Variants in PPM1L observed in about 807,000 individuals in gnomAD.
The protein encoded by PPM1L is protein phosphatase, Mg2+/Mn2+ dependent 1L, also known as protein phosphatase 1L.
A neutral mutation model predicts 31.4 loss-of-function variants in PPM1L; 13 were observed. The observed-to-expected ratio is 0.41, with a 90% CI of 0.27 to 0.66. PPM1L has a LOEUF of 0.66. PPM1L is among the 30% of genes least tolerant of loss of function. The pLI is 0.29. For missense variants in PPM1L, 326 were observed against 453.7 expected, an observed-to-expected ratio of 0.72 and a Z score of 2.56; for synonymous variants, 184 against 175.4, an observed-to-expected ratio of 1.05 and a Z score of -0.39.
chr3:160,852,127 A>G (rs1475081254), intron 1 of PPM1L, among the ~76,000 whole-genome samples: 1 of 152,162 alleles, frequency 6.6e-6, no homozygotes, highest in Admixed American at 6.5e-5. Context: ...GTGTTTCATA[A>G]AGGAAGATGC....
At chr3:160,986,279 T>C (rs576244513) in intron 2 of PPM1L, among the ~76,000 whole-genome samples, 9 of 152,154 alleles carry the variant, frequency 5.9e-5, no homozygotes, top group African/African-American at 1.9e-4. Context: ...TGCTGGAGAA[T>C]GAAGGAAGGG....
chr3:160,915,632 G>C (rs567742075), intron 1 of PPM1L, among the ~76,000 whole-genome samples: 1 of 152,050 alleles, frequency 6.6e-6, no homozygotes, highest in African/African-American at 2.4e-5. Context: ...ACAAAGCTGG[G>C]GGCATCATGC....
intron 1 of PPM1L, among the ~76,000 whole-genome samples, chr3:160,793,575 G>T (rs1196285937): frequency 6.6e-6 from 1 of 152,124 alleles, no homozygotes; most frequent in African/African-American, 2.4e-5. Flanking sequence ...TCTTTGTAGA[G>T]GATTTAAAAT....
Position 161,016,196 on chromosome 3 carries a change from T to G in PPM1L, c.575-49207T>G, listed in dbSNP as rs766922307. 3.8e-4 allele frequency among the ~76,000 whole-genome samples: 58 copies of G among 152,196 alleles called. 1 individual carries two copies. Among genetic ancestry groups the G allele is most frequent in the Admixed American group, 2.5e-3 (38 of 15,274 alleles). On this transcript the variant is annotated intron_variant, in intron 2 of 3. Coordinates refer to ENST00000498165, the MANE Select transcript of PPM1L (RefSeq NM_139245.4). ...CTGCCGTTCTTTTGAGTGGAGGCAT[T>G]CTATCTAGGCAACTGGTAAAAAAAA...
intron 2 of PPM1L, among the ~76,000 whole-genome samples, chr3:161,055,836 C>T (rs539662528): frequency 6.6e-6 from 1 of 152,074 alleles, no homozygotes; most frequent in South Asian, 2.1e-4. Context: ...ATAGAAAAGA[C>T]TTTATGTCAC....
intron 1 of PPM1L, among the ~76,000 whole-genome samples, chr3:160,837,304 A>G (rs1443454070): frequency 1.3e-5 from 2 of 152,178 alleles, no homozygotes; most frequent in African/African-American, 2.4e-5. Context: ...TGGTAAGAGA[A>G]GGGAGTAATA....
At chr3:161,044,492 C>T (rs1718999831) in intron 2 of PPM1L, among the ~76,000 whole-genome samples, 1 of 151,820 alleles carries the variant, frequency 6.6e-6, no homozygotes, top group South Asian at 2.1e-4. Flanking sequence ...TAATCCCAAG[C>T]ACTTTGGGAG....
At chr3:160,910,252 C>A (rs1441491919) in intron 1 of PPM1L, among the ~76,000 whole-genome samples, 3 of 54,436 alleles carry the variant, frequency 5.5e-5, no homozygotes, top group Non-Finnish European at 8.4e-5. Context: ...TTCCTTTCCC[C>A]TTCCCCTTTC....
intron 1 of PPM1L, among the ~76,000 whole-genome samples, chr3:160,769,982 T>C (rs1445586568): frequency 1.3e-5 from 2 of 152,128 alleles, no homozygotes; most frequent in Non-Finnish European, 2.9e-5. Flanking sequence ...ATTCTGTGTA[T>C]GAGGATGAAG....
chr3:160,972,065 G>T (rs139035482), intron 2 of PPM1L, among the ~76,000 whole-genome samples: 1 of 152,290 alleles, frequency 6.6e-6, no homozygotes, highest in Non-Finnish European at 1.5e-5. Flanking sequence ...ACCACTCACA[G>T]ACTCACCACC....
chr3:160,979,267 A>G (rs1448945187), intron 2 of PPM1L, among the ~76,000 whole-genome samples: 1 of 152,046 alleles, frequency 6.6e-6, no homozygotes, highest in African/African-American at 2.4e-5. Flanking sequence ...ATTCCAGTTC[A>G]GGGTTACAGG....
intron 1 of PPM1L, among the ~76,000 whole-genome samples, chr3:160,794,425 G>A (rs1712186574): frequency 1.3e-5 from 2 of 152,112 alleles, no homozygotes; most frequent in Admixed American, 6.6e-5. Flanking sequence ...CCAGTCATAC[G>A]CAAATAACAT....
chr3:160,942,187 T>C (rs962845799), intron 1 of PPM1L, among the ~76,000 whole-genome samples: 5 of 152,266 alleles, frequency 3.3e-5, no homozygotes, highest in Non-Finnish European at 5.9e-5. Flanking sequence ...TGTCACTGTT[T>C]CCTGGTAGTT....
intron 1 of PPM1L, among the ~76,000 whole-genome samples, chr3:160,764,373 C>CTTG (rs199935581): frequency 0.016 from 2,495 of 151,986 alleles, 61 homozygotes; most frequent in African/African-American, 0.057. Flanking sequence ...AGATTTAAAT[C>CTTG]TTGTTTTTCT....
intron 1 of PPM1L, among the ~76,000 whole-genome samples, chr3:160,916,291 G>A (rs1306589692): frequency 6.6e-6 from 1 of 152,022 alleles, no homozygotes; most frequent in Non-Finnish European, 1.5e-5. Flanking sequence ...TTTATGCAGT[G>A]AAAACACACA....
At chr3:161,021,678 T>G (rs1718238717) in intron 2 of PPM1L, among the ~76,000 whole-genome samples, 1 of 152,130 alleles carries the variant, frequency 6.6e-6, no homozygotes, top group Non-Finnish European at 1.5e-5. Context: ...ATTCTGTTAG[T>G]TTTTGCCTCA....
At chr3:160,851,486 A>C (rs1393460268) in intron 1 of PPM1L, among the ~76,000 whole-genome samples, 2 of 152,220 alleles carry the variant, frequency 1.3e-5, no homozygotes, top group Non-Finnish European at 2.9e-5. Flanking sequence ...AATTTGCTTC[A>C]TTGCAGTGTT....
At chr3:160,843,571 C>T (rs1341480548) in intron 1 of PPM1L, among the ~76,000 whole-genome samples, 1 of 150,740 alleles carries the variant, frequency 6.6e-6, no homozygotes, top group Admixed American at 6.6e-5. Context: ...CACCCATTAA[C>T]TCGTCATTTA....
rs190875051 is a variant in PPM1L, at chr3:160,799,660, G to A, written c.399+42953G>A. ...ATCTTTGAGACATGCCTGCATGTTC[G>A]TATCCTGTACCTTTACACTTGCTAT... On this transcript the variant is annotated intron_variant, in intron 1 of 3. Transcript: ENST00000498165. 2.2e-3 allele frequency among the ~76,000 whole-genome samples: 332 copies of A among 152,226 alleles called. 2 individuals are homozygous for A. The highest frequency in any genetic ancestry group is 7.8e-3 in the African/African-American group (324 of 41,528).
Sources: gnomAD v4.1 joint callset for allele counts (sites outside exome capture counted in the v4.1 genomes callset) on GRCh38, gnomAD v4.1.1 for gene constraint, MANE v1.5 for transcripts, NCBI Gene and HGNC (gene_info 2026-07-23, HGNC 2026-07-21) for gene names.